Variants in WWC1 observed in about 807,000 individuals in gnomAD.
WWC1 encodes the protein WW and C2 domain containing 1, also known as protein KIBRA.
A neutral mutation model predicts 138.4 loss-of-function variants in WWC1; 55 were observed. That is an observed-to-expected ratio of 0.40 (90% CI 0.32 to 0.50). The LOEUF is 0.50. WWC1 is among the 20% of genes least tolerant of loss of function. WWC1 has a pLI of 0.72. For missense variants in WWC1, 1,226 were observed against 1,420.4 expected, an observed-to-expected ratio of 0.86 and a Z score of 2.20; for synonymous variants, 524 against 564.9, an observed-to-expected ratio of 0.93 and a Z score of 1.03.
chr5:168,424,124 G>T, intron 11 of WWC1, 56 bp downstream of exon 11: 1 of 1,528,396 alleles, frequency 6.5e-7, no homozygotes, highest in South Asian at 1.3e-5. Flanking sequence ...GAGATACTCT[G>T]TGCTCAGAAC....
chr5:168,388,998 A>G (rs1490599929), intron 3 of WWC1, among the ~76,000 whole-genome samples: 3 of 152,198 alleles, frequency 2.0e-5, no homozygotes, highest in Non-Finnish European at 2.9e-5. Context: ...AGGGATGGCA[A>G]GAAGAAGCAT....
chr5:168,404,619 G>C (rs1157694702), intron 5 of WWC1, among the ~76,000 whole-genome samples: 1 of 152,250 alleles, frequency 6.6e-6, no homozygotes, highest in Non-Finnish European at 1.5e-5. Flanking sequence ...GCCCAGGACA[G>C]TTTGGTCTGT....
chr5:168,405,829 C>G (rs1250787293), intron 5 of WWC1, among the ~76,000 whole-genome samples: 1 of 151,346 alleles, frequency 6.6e-6, no homozygotes, highest in Non-Finnish European at 1.5e-5. Context: ...CAGGTTCAAG[C>G]AATTCTCATG....
In WWC1 at chr5:168,426,118, C is replaced by T. The variant is rs112690986; in HGVS notation, c.1811-1915C>T. ...GAGCATGGTAGGGAAATGAGGTTTC[C>T]TTGTTAACGAAAGGCTTTGAGTGCC... On this transcript the variant is annotated intron_variant, in intron 11 of 22. Coordinates refer to ENST00000265293, the MANE Select transcript of WWC1 (RefSeq NM_015238.3). Among the ~76,000 whole-genome samples, 762 of 152,234 alleles carry T rather than the reference C, an allele frequency of 5.0e-3. 3 individuals carry two copies. The highest frequency in any genetic ancestry group is 0.014 in the Middle Eastern group (4 of 294).
At position 168,464,760 on chromosome 5, in the gene WWC1, G is replaced by A. The variant is rs139653620; in HGVS notation, c.2948G>A (p.Arg983His). The change falls in exon 21 of 23, where the codon CGT (arginine) becomes CAT (histidine). Residue 983 changes from arginine (R) to histidine (H), a missense_variant. This residue lies in a region of WWC1 where 206 missense variants were observed against 247.4 expected (regional missense o/e 0.83). Transcript: ENST00000265293. ...PSSVKSLRSERLIRTSLDLEL... is the reference protein window; with the variant it reads ...PSSVKSLRSEHLIRTSLDLEL... ...TCGGTCAAGTCGCTGCGCTCCGAGC[G>A]TCTGATCCGTACCTCGCTGGACCTG... 152 of 1,614,058 alleles carry A rather than the reference G, an allele frequency of 9.4e-5. No homozygotes were observed. Among genetic ancestry groups the A allele is most frequent in the Non-Finnish European group, 1.2e-4 (143 of 1,180,054 alleles).
intron 1 of WWC1, among the ~76,000 whole-genome samples, chr5:168,302,723 C>G (rs1770207760): frequency 6.6e-6 from 1 of 152,138 alleles, no homozygotes; most frequent in South Asian, 2.1e-4. Flanking sequence ...CTCTCTGAGT[C>G]TGTTTTTCTT....
At chr5:168,344,487 T>A (rs1774308367) in intron 1 of WWC1, among the ~76,000 whole-genome samples, 1 of 152,194 alleles carries the variant, frequency 6.6e-6, no homozygotes, top group Non-Finnish European at 1.5e-5. Flanking sequence ...TGGGTCAAGA[T>A]GAGATAGCAG....
chr5:168,393,760 C>T (rs1172162641), intron 3 of WWC1, among the ~76,000 whole-genome samples: 1 of 152,166 alleles, frequency 6.6e-6, no homozygotes, highest in Non-Finnish European at 1.5e-5. Context: ...CTCGCTCACA[C>T]TGAAGCAGGG....
At chr5:168,323,826 T>A (rs772852973) in intron 1 of WWC1, among the ~76,000 whole-genome samples, 26 of 152,156 alleles carry the variant, frequency 1.7e-4, no homozygotes, top group Non-Finnish European at 2.9e-4. Context: ...CCTAGACACA[T>A]CATAGTCAAA....
At chr5:168,402,636 GA>G (rs1779395175) in intron 5 of WWC1, among the ~76,000 whole-genome samples, 1 of 152,132 alleles carries the variant, frequency 6.6e-6, no homozygotes, top group African/African-American at 2.4e-5. Flanking sequence ...CCCCTTTTAA[GA>G]GACGTTTTTG....
intron 1 of WWC1, among the ~76,000 whole-genome samples, chr5:168,300,920 C>G (rs1770011059): frequency 6.6e-6 from 1 of 152,234 alleles, no homozygotes; most frequent in Non-Finnish European, 1.5e-5. Context: ...CCTTCCAGTC[C>G]TACATCTGTC....
chr5:168,338,815 G>A (rs1773729167), intron 1 of WWC1, among the ~76,000 whole-genome samples: 1 of 152,120 alleles, frequency 6.6e-6, no homozygotes, highest in African/African-American at 2.4e-5. Context: ...GTAGAACAGG[G>A]GATTCTAAAA....
In WWC1 at chr5:168,449,142, G is replaced by A. The variant is rs182487731; in HGVS notation, c.2525+4557G>A. ...TGTTTCTGTACCTTCACCAGCACTT[G>A]ATATTACCAGATTTTTTTCCGCTTT... On this transcript the variant is annotated intron_variant, in intron 17 of 22. Transcript: ENST00000265293. Among the ~76,000 whole-genome samples, 5 of 139,124 alleles carry A rather than the reference G, an allele frequency of 3.6e-5. No homozygotes were observed. In the Admixed American group the frequency reaches 3.7e-4, roughly 10 times the overall value. The allele number at this position is 139,124 out of a possible 152,430, so 91.3% of individuals were successfully genotyped here.
At chr5:168,408,295 G>A (rs971464813) in intron 6 of WWC1, among the ~76,000 whole-genome samples, 4 of 152,064 alleles carry the variant, frequency 2.6e-5, no homozygotes, top group Non-Finnish European at 4.4e-5. Flanking sequence ...CATCCACACC[G>A]GTTTCTCCTA....
chr5:168,335,940 CTG>C (rs1773418979), intron 1 of WWC1, among the ~76,000 whole-genome samples: 1 of 152,214 alleles, frequency 6.6e-6, no homozygotes. Flanking sequence ...AGAGGGGAGT[CTG>C]TGTCACTTAG....
At chr5:168,350,150 TTA>T (rs1774824735) in intron 1 of WWC1, among the ~76,000 whole-genome samples, 1 of 152,208 alleles carries the variant, frequency 6.6e-6, no homozygotes, top group South Asian at 2.1e-4. Context: ...TCATCAGGTC[TTA>T]GTTTCTCTCC....
chr5:168,458,431 G>T (rs1186142601), intron 19 of WWC1, among the ~76,000 whole-genome samples: 2 of 152,108 alleles, frequency 1.3e-5, no homozygotes, highest in Admixed American at 1.3e-4. Context: ...TGCACAAAAG[G>T]CGTCCTCTGC....
Position 168,368,420 on chromosome 5 carries a change from T to C in WWC1, c.120-3004T>C, listed in dbSNP as rs533252675. On this transcript the variant is annotated intron_variant, in intron 1 of 22. Coordinates refer to ENST00000265293, the MANE Select transcript of WWC1 (RefSeq NM_015238.3). The stretch of plus-strand genomic sequence containing the variant: ...ATCTCCAAGGAGGAATTTTGAAAAG[T>C]GATGATCTATACGCAGAAACAGGGG... Among the ~76,000 whole-genome samples, 3 of 152,322 alleles carry C rather than the reference T, an allele frequency of 2.0e-5. No homozygotes were observed. In the East Asian group the frequency reaches 5.8e-4, roughly 29 times the overall value.
At chr5:168,320,922 A>G (rs998186329) in intron 1 of WWC1, among the ~76,000 whole-genome samples, 1 of 152,216 alleles carries the variant, frequency 6.6e-6, no homozygotes, top group African/African-American at 2.4e-5. Flanking sequence ...TGGAGCGGAA[A>G]GGTAGCTGCT....
Sources: allele counts gnomAD v4.1 joint callset (sites outside exome capture counted in the v4.1 genomes callset), GRCh38; gene constraint gnomAD v4.1.1; regional missense constraint gnomAD v4.1.1; transcripts MANE v1.5; gene names NCBI Gene and HGNC (gene_info 2026-07-23, HGNC 2026-07-21).